EDIL3: variants seen among roughly 807,000 people sequenced by gnomAD.
The protein encoded by EDIL3 is EGF-like repeat and discoidin I-like domain-containing protein 3.
Under a neutral mutation model 67.4 loss-of-function variants are expected in EDIL3, and 37 were observed. That is an observed-to-expected ratio of 0.55 (90% CI 0.42 to 0.72). EDIL3 has a LOEUF of 0.72. EDIL3 is among the 30% of genes least tolerant of loss of function. The pLI is 0.00. For synonymous variants in EDIL3, 195 were observed against 196.3 expected (o/e 0.99, Z 0.05); for missense variants, 527 against 586.3 (o/e 0.90, Z 1.04).
At chr5:84,141,981 A>ATCTATCTATCTC (rs1748208035) in intron 4 of EDIL3, among the ~76,000 whole-genome samples, 1 of 145,934 alleles carries the variant, frequency 6.9e-6, no homozygotes, top group Non-Finnish European at 1.5e-5. Context: ...CTATCTATCT[A>ATCTATCTATCTC]TCTATCTATC....
intron 6 of EDIL3, among the ~76,000 whole-genome samples, chr5:84,093,464 T>G (rs1747204093): frequency 6.6e-6 from 1 of 152,092 alleles, no homozygotes; most frequent in Non-Finnish European, 1.5e-5. Context: ...AGGGATTACT[T>G]CACAGAGAAG....
At chr5:84,165,919 C>T (rs1748695522) in intron 4 of EDIL3, among the ~76,000 whole-genome samples, 2 of 152,034 alleles carry the variant, frequency 1.3e-5, no homozygotes, top group Admixed American at 6.6e-5. Context: ...ACTTCAATTC[C>T]ACCCACCCTT....
chr5:84,317,616 A>C (rs1319981243), intron 1 of EDIL3, among the ~76,000 whole-genome samples: 3 of 152,072 alleles, frequency 2.0e-5, no homozygotes, highest in South Asian at 4.1e-4. Context: ...CCTACCAACC[A>C]AAAAAAGTCC....
intron 1 of EDIL3, among the ~76,000 whole-genome samples, chr5:84,352,352 G>C (rs305656): frequency 0.015 from 2,265 of 152,168 alleles, 63 homozygotes; most frequent in African/African-American, 0.052. Flanking sequence ...CATGACAACA[G>C]TATTCACAAT....
rs995279753 is a variant in EDIL3, at chr5:84,108,984, G to C, written c.470-2154C>G. On this transcript the variant is annotated intron_variant, in intron 5 of 10. Coordinates refer to ENST00000296591, the MANE Select transcript of EDIL3 (RefSeq NM_005711.5). ...GAATTTGTAACTATTTTAAAGCAGA[G>C]AGTAGATCTCAAATCACAATATCCT... is the stretch of plus-strand genomic sequence containing the variant. Among the ~76,000 whole-genome samples the C allele has an allele frequency of 2.6e-5, 4 of 152,256 alleles. No individual in the cohort carries two copies. In the East Asian group the frequency reaches 7.7e-4, roughly 29 times the overall value.
At chr5:84,291,064 T>C (rs1384467551) in intron 1 of EDIL3, among the ~76,000 whole-genome samples, 3 of 152,160 alleles carry the variant, frequency 2.0e-5, no homozygotes, top group Non-Finnish European at 2.9e-5. Context: ...TTTCAATATG[T>C]AGTACTAGAA....
intron 1 of EDIL3, among the ~76,000 whole-genome samples, chr5:84,305,066 A>C (rs1221262213): frequency 6.6e-6 from 1 of 152,178 alleles, no homozygotes; most frequent in African/African-American, 2.4e-5. Flanking sequence ...CATTTTTTGC[A>C]AACTAACAGA....
At chr5:84,237,346 C>CACATAAAATGTT (rs1369469299) in intron 2 of EDIL3, among the ~76,000 whole-genome samples, 34 of 151,946 alleles carry the variant, frequency 2.2e-4, no homozygotes, top group Non-Finnish European at 4.4e-5. Flanking sequence ...AGAATCATTG[C>CACATAAAATGTT]ACATAAAATG....
chr5:83,989,767 A>G (rs1196589271), intron 9 of EDIL3, among the ~76,000 whole-genome samples: 1 of 152,138 alleles, frequency 6.6e-6, no homozygotes, highest in Non-Finnish European at 1.5e-5. Flanking sequence ...AACAGGGAAT[A>G]GCAAAGATTA....
At chr5:84,034,867 C>T (rs1036526436) in intron 9 of EDIL3, among the ~76,000 whole-genome samples, 6 of 152,052 alleles carry the variant, frequency 3.9e-5, no homozygotes, top group Non-Finnish European at 5.9e-5. Context: ...CTAGTCTAAG[C>T]CAGGCTGGCC....
At chr5:84,327,246 C>G (rs897752056) in intron 1 of EDIL3, among the ~76,000 whole-genome samples, 1 of 151,900 alleles carries the variant, frequency 6.6e-6, no homozygotes. Context: ...AACTTTGTAA[C>G]TATTGACTCA....
At chr5:84,367,073 T>C (rs1747752385) in intron 1 of EDIL3, among the ~76,000 whole-genome samples, 1 of 152,188 alleles carries the variant, frequency 6.6e-6, no homozygotes, top group Non-Finnish European at 1.5e-5. Context: ...CCTGAAAAGA[T>C]GCAAATTATA....
chr5:84,141,496 TA>T (rs1033836970), intron 4 of EDIL3, among the ~76,000 whole-genome samples: 8 of 147,082 alleles, frequency 5.4e-5, no homozygotes, highest in Non-Finnish European at 1.2e-4. Context: ...TAATTATATA[TA>T]TTATATATAA....
chr5:84,159,883 C>A lies in EDIL3; in HGVS notation c.355+20510G>T, dbSNP rs572631980. Among the ~76,000 whole-genome samples the A allele has an allele frequency of 3.9e-5, 6 of 152,126 alleles. No homozygotes were observed. In the South Asian group the frequency reaches 1.2e-3, roughly 32 times the overall value. ...GATAATTTCAACTTTGGGATCCAATCTCTTGTTACATATAATTACTTTGGC... is the reference window on the plus strand; with the variant it reads ...GATAATTTCAACTTTGGGATCCAATATCTTGTTACATATAATTACTTTGGC... On this transcript the variant is annotated intron_variant, in intron 4 of 10. Coordinates refer to ENST00000296591, the MANE Select transcript of EDIL3 (RefSeq NM_005711.5).
rs544156572 is a variant in EDIL3, at chr5:84,004,462, T to C, written c.1138-41102A>G. On this transcript the variant is annotated intron_variant, in intron 9 of 10. Coordinates refer to ENST00000296591, the MANE Select transcript of EDIL3 (RefSeq NM_005711.5). ...AATAAATTAAAAAAAAATCCAAAAT[T>C]ATACCAAACATACTCTCAGATCAAA... Among the ~76,000 whole-genome samples, 9 of 152,042 alleles carry C rather than the reference T, an allele frequency of 5.9e-5. No homozygotes were observed. In the South Asian group the frequency reaches 1.0e-3, roughly 18 times the overall value.
rs563047630 is a variant in EDIL3 at position 83,987,064 on chromosome 5, T to C, written c.1138-23704A>G. Among the ~76,000 whole-genome samples, 146 of 152,320 alleles carry C rather than the reference T, an allele frequency of 9.6e-4. 2 individuals carry two copies. In the South Asian group the frequency reaches 0.03, roughly 31 times the overall value. On this transcript the variant is annotated intron_variant, in intron 9 of 10. Transcript: ENST00000296591. Reference sequence around the variant, plus strand: ...AATAAAGGTAATTAGGTTTTCACCATGTACTCCACTTGAGCAAATCCTTTA... The same window carrying C: ...AATAAAGGTAATTAGGTTTTCACCACGTACTCCACTTGAGCAAATCCTTTA...
At chr5:84,370,934 T>G (rs72766419) in intron 1 of EDIL3, among the ~76,000 whole-genome samples, 13,453 of 151,984 alleles carry the variant, frequency 0.089, 773 homozygotes, top group South Asian at 0.21. Flanking sequence ...CATGCATGCA[T>G]GCATAAAGTC....
At chr5:84,134,640 A>G (rs1380903134) in intron 5 of EDIL3, among the ~76,000 whole-genome samples, 1 of 152,212 alleles carries the variant, frequency 6.6e-6, no homozygotes, top group African/African-American at 2.4e-5. Flanking sequence ...ATCTCTTAAG[A>G]GACTACAGAA....
chr5:84,189,631 T>C (rs2112366171), intron 3 of EDIL3, among the ~76,000 whole-genome samples: 1 of 152,152 alleles, frequency 6.6e-6, no homozygotes, highest in African/African-American at 2.4e-5. Flanking sequence ...TACATTCATC[T>C]TGCACACTGC....
Sources: allele counts gnomAD v4.1 joint callset (sites outside exome capture counted in the v4.1 genomes callset), GRCh38; gene constraint gnomAD v4.1.1; transcripts MANE v1.5; gene names NCBI Gene and HGNC (gene_info 2026-07-23, HGNC 2026-07-21).